MAPK9: variants seen among roughly 807,000 people sequenced by gnomAD.
MAPK9 encodes Jun kinase.
Under a neutral mutation model 57.1 loss-of-function variants are expected in MAPK9, and 30 were observed. The observed-to-expected ratio is 0.53, with a 90% CI of 0.39 to 0.71. MAPK9 has a LOEUF of 0.71. MAPK9 is among the 30% of genes least tolerant of loss of function. The probability of loss-of-function intolerance (pLI) is 0.00; values close to 1 mark genes in which losing one functional copy is unlikely to be tolerated. For synonymous variants in MAPK9, 155 were observed against 177.0 expected, an observed-to-expected ratio of 0.88 and a Z score of 0.99; for missense variants, 362 against 521.0, an observed-to-expected ratio of 0.69 and a Z score of 2.97.
chr5:180,280,375 A>C, intron 2 of MAPK9, 65 bp downstream of exon 2: 2 of 1,565,418 alleles, frequency 1.3e-6, no homozygotes, highest in Admixed American at 2.0e-5. Context: ...AAATCCTGAC[A>C]CTTTAGTTTT....
At chr5:180,272,096 CAT>C (rs1393583646) in intron 2 of MAPK9, among the ~76,000 whole-genome samples, 1 of 152,196 alleles carries the variant, frequency 6.6e-6, no homozygotes, top group East Asian at 1.9e-4. Context: ...ATCTCCTCCA[CAT>C]GATTTGCAGA....
chr5:180,243,344 C>T (rs1010306043), intron 7 of MAPK9, among the ~76,000 whole-genome samples: 3 of 152,160 alleles, frequency 2.0e-5, no homozygotes, highest in African/African-American at 2.4e-5. Flanking sequence ...TTTCAAAGTG[C>T]GTGACCTGGG....
chr5:180,261,255 A>C (rs575959767), intron 5 of MAPK9, among the ~76,000 whole-genome samples: 19 of 152,360 alleles, frequency 1.2e-4, no homozygotes, highest in African/African-American at 4.1e-4. Flanking sequence ...AGAGTTCTCA[A>C]GCAGCTGTCT....
At chr5:180,277,738 TC>T (rs1761952088) in intron 2 of MAPK9, among the ~76,000 whole-genome samples, 1 of 152,204 alleles carries the variant, frequency 6.6e-6, no homozygotes, top group Non-Finnish European at 1.5e-5. Flanking sequence ...ATCCAATTCC[TC>T]TTGTCAGTGT....
chr5:180,266,316 CT>C lies in MAPK9; in HGVS notation c.253-1478del, dbSNP rs760896507. 5.5e-3 allele frequency among the ~76,000 whole-genome samples: 782 copies of C among 142,044 alleles called. 1 individual carries two copies. Among genetic ancestry groups the C allele is most frequent in the African/African-American group, 0.01 (401 of 39,072 alleles). The allele number at this position is 142,044 out of a possible 152,430, so 93.2% of individuals were successfully genotyped here. A position where few individuals can be genotyped will look rare whatever the true frequency, so the allele number is the denominator to read the frequency against. ...CTGAAGTAACAGACGTTCTCAGACACTTTTTTTTTTTTTTTGAGATGGAGTT... is the reference window on the plus strand; with the variant it reads ...CTGAAGTAACAGACGTTCTCAGACACTTTTTTTTTTTTTTGAGATGGAGTT... On this transcript the variant is annotated intron_variant, in intron 3 of 11. Coordinates refer to ENST00000452135, the MANE Select transcript of MAPK9 (RefSeq NM_002752.5).
chr5:180,261,127 G>C (rs1759908266), intron 5 of MAPK9, among the ~76,000 whole-genome samples: 1 of 152,156 alleles, frequency 6.6e-6, no homozygotes, highest in East Asian at 1.9e-4. Context: ...GAGCCCACAG[G>C]CCTGCTCTGA....
intron 3 of MAPK9, among the ~76,000 whole-genome samples, chr5:180,267,904 C>T (rs905194582): frequency 2.0e-5 from 3 of 151,962 alleles, no homozygotes; most frequent in African/African-American, 4.8e-5. Flanking sequence ...GCTCTGTCGC[C>T]CAGGCTGGAG....
Position 180,241,078 on chromosome 5 carries a change from G to T in MAPK9, c.949C>A (p.Arg317Ser), listed in dbSNP as rs780562313. ...TACCAAACAGTGATGTATGGGTGAC[G>T]CAGAGCTTCGTCTACAGAGATCCGC... ...DKRISVDEALRHPYITVWYDP... is the reference protein window; with the variant it reads ...DKRISVDEALSHPYITVWYDP... The change falls in exon 9 of 12, where the codon CGT (arginine) becomes AGT (serine). Residue 317 changes from arginine (R) to serine (S), a missense_variant. This residue lies in a region of MAPK9 where 199 missense variants were observed against 251.3 expected (regional missense o/e 0.79). Coordinates refer to ENST00000452135, the MANE Select transcript of MAPK9 (RefSeq NM_002752.5). 1.1e-5 allele frequency: 17 copies of T among 1,613,856 alleles called. No individual in the cohort carries two copies. The highest frequency in any genetic ancestry group is 1.7e-5 in the Admixed American group (1 of 59,972).
chr5:180,238,391 T>C lies in MAPK9; in HGVS notation c.1073A>G (p.Lys358Arg). 6.2e-7 allele frequency: 1 copy of C among 1,609,130 alleles called. No individual in the cohort carries two copies. The highest frequency in any genetic ancestry group is 8.5e-7 in the Non-Finnish European group (1 of 1,175,758). The change falls in exon 11 of 12, where the codon AAA (lysine) becomes AGA (arginine). Residue 358 changes from lysine (K) to arginine (R), a missense_variant. Around this residue, in one of 3 missense-constraint regions of MAPK9, gnomAD observed 199 missense variants for 251.3 expected, o/e 0.79. Transcript: ENST00000452135. Reference sequence around the variant, plus strand: ...TCTTTCTTCCCAATCCATGACTTCTTTGTAAATTAGCTCTTTAATAAAAAT... The same window carrying C: ...TCTTTCTTCCCAATCCATGACTTCTCTGTAAATTAGCTCTTTAATAAAAAT... ...AIEEWKELIY[K>R]EVMDWEERSK... is the part of the protein sequence containing the mutation.
Position 180,240,001 on chromosome 5 carries a change from C to T in MAPK9, c.997-14G>A. On this transcript the variant is annotated splice_polypyrimidine_tract_variant and intron_variant, in intron 9 of 11. Transcript: ENST00000452135. The stretch of plus-strand genomic sequence containing the variant: ...TTGAGGTGGTGGCTAAAAATTAAAT[C>T]ATATGTAAAGTCAACAGTAATGCCT... 1 of 1,608,040 alleles carries T rather than the reference C, an allele frequency of 6.2e-7. No homozygotes were observed. The highest frequency in any genetic ancestry group is 8.5e-7 in the Non-Finnish European group (1 of 1,176,136).
chr5:180,278,011 G>A (rs1283891005), intron 2 of MAPK9, among the ~76,000 whole-genome samples: 1 of 152,216 alleles, frequency 6.6e-6, no homozygotes, highest in Non-Finnish European at 1.5e-5. Flanking sequence ...GTTCTTGAAT[G>A]TAACAATTGT....
At chr5:180,267,959 T>C (rs907534534) in intron 3 of MAPK9, among the ~76,000 whole-genome samples, 1 of 152,030 alleles carries the variant, frequency 6.6e-6, no homozygotes, top group Non-Finnish European at 1.5e-5. Context: ...GCCTCCCGGG[T>C]TCATGCCATT....
At chr5:180,286,718 C>T (rs1762801383) in intron 1 of MAPK9, among the ~76,000 whole-genome samples, 1 of 148,212 alleles carries the variant, frequency 6.7e-6, no homozygotes, top group Non-Finnish European at 1.5e-5. Flanking sequence ...AAGGGCTTCT[C>T]GTGGCTCCTT....
intron 10 of MAPK9, 70 bp from the exon 11 acceptor site, chr5:180,238,473 C>A (rs1757365557): frequency 9.0e-7 from 1 of 1,111,510 alleles, no homozygotes. Context: ...CTAAACTCTG[C>A]TTCCAAATCA....
At chr5:180,283,084 G>T (rs554070921) in intron 1 of MAPK9, among the ~76,000 whole-genome samples, 8 of 152,232 alleles carry the variant, frequency 5.3e-5, no homozygotes, top group African/African-American at 1.9e-4. Context: ...AACATCAGAG[G>T]TGCGACACAG....
At position 180,240,337 on chromosome 5, in the gene MAPK9, T is replaced by C. The variant is rs1757543006; in HGVS notation, c.997-350A>G. On this transcript the variant is annotated intron_variant, in intron 9 of 11. Transcript: ENST00000452135. ...CTGGCAGCTATGGAAGGTACTGTTG[T>C]TTCTTAGAACAAATTTTACATTTTC... is the stretch of plus-strand genomic sequence containing the variant. Among the ~76,000 whole-genome samples the C allele has an allele frequency of 2.6e-5, 4 of 152,220 alleles. No individual in the cohort carries two copies. The South Asian group carries it at 8.3e-4, about 32-fold the overall frequency.
chr5:180,280,603 A>G lies in MAPK9; in HGVS notation c.-42T>C. 2 of 1,598,498 alleles carry G rather than the reference A, an allele frequency of 1.3e-6. No individual in the cohort carries two copies. Among genetic ancestry groups the G allele is most frequent in the Non-Finnish European group, 1.7e-6 (2 of 1,171,346 alleles). ...ATATCCCGAAGGGTGGGCAAGTTTC[A>G]GATCCCTTCAAAGAAAAACAGAATG... On this transcript the variant is annotated 5_prime_UTR_variant, in exon 2 of 12. Transcript: ENST00000452135.
intron 1 of MAPK9, among the ~76,000 whole-genome samples, chr5:180,290,746 A>T (rs1382763922): frequency 4.6e-5 from 7 of 152,268 alleles, no homozygotes; most frequent in Non-Finnish European, 1.0e-4. Flanking sequence ...CTAAATGAAC[A>T]GATAAAGCAG....
At chr5:180,278,247 G>A (rs1026445715) in intron 2 of MAPK9, among the ~76,000 whole-genome samples, 8 of 152,202 alleles carry the variant, frequency 5.3e-5, no homozygotes, top group East Asian at 3.8e-4. Context: ...CCCGTGAGAC[G>A]GGAGAAGCAA....
Sources: allele counts gnomAD v4.1 joint callset (sites outside exome capture counted in the v4.1 genomes callset), GRCh38; gene constraint gnomAD v4.1.1; regional missense constraint gnomAD v4.1.1; transcripts MANE v1.5; gene names NCBI Gene and HGNC (gene_info 2026-07-23, HGNC 2026-07-21).